SLC2A14: variants seen among roughly 807,000 people sequenced by gnomAD.
The protein encoded by SLC2A14 is solute carrier family 2 member 14, also known as solute carrier family 2, facilitated glucose transporter member 14.
SLC2A14 carries 13 observed loss-of-function variants against 43.0 expected under a neutral mutation model. The observed-to-expected ratio is 0.30, with a 90% CI of 0.20 to 0.48. The LOEUF is 0.48. SLC2A14 is among the 20% of genes least tolerant of loss of function. The pLI, the probability that SLC2A14 is intolerant of heterozygous loss-of-function variation, is 0.99. For missense variants in SLC2A14, 428 were observed against 620.4 expected (o/e 0.69, Z 3.29); for synonymous variants, 190 against 233.8 (o/e 0.81, Z 1.71).
intron 1 of SLC2A14, among the ~76,000 whole-genome samples, chr12:7,886,002 T>C (rs1945681496): frequency 1.3e-5 from 2 of 151,564 alleles, no homozygotes; most frequent in African/African-American, 4.8e-5. Flanking sequence ...TTTTTTTTTT[T>C]GAGATGGAGT....
At chr12:7,873,231 C>T (rs1945338445), upstream of SLC2A14, 1 of 985,504 alleles carries the variant, frequency 1.0e-6, no homozygotes, top group African/African-American at 1.7e-5. Context: ...AGGGTGTGAA[C>T]GTATCTATTT....
At chr12:7,882,048 G>A (rs1192425369) in intron 1 of SLC2A14, among the ~76,000 whole-genome samples, 3 of 152,122 alleles carry the variant, frequency 2.0e-5, no homozygotes, top group Non-Finnish European at 4.4e-5. Context: ...GGCTGCCCGG[G>A]CCAGCAGTGG....
chr12:7,880,709 AAAAAAGAG>A (rs763330115), intron 1 of SLC2A14, among the ~76,000 whole-genome samples: 1 of 129,966 alleles, frequency 7.7e-6, no homozygotes, highest in Admixed American at 8.3e-5. Flanking sequence ...AAAAAAAAAA[AAAAAAGAG>A]AGAAATTGGC....
At chr12:7,872,015 T>A in intron 1 of SLC2A14, 1 of 511,402 alleles carries the variant, frequency 2.0e-6, no homozygotes, top group Non-Finnish European at 2.5e-6. Context: ...TATTTATCTG[T>A]AAAATTAACT....
At chr12:7,863,051 A>G (rs1382069749) in intron 2 of SLC2A14, among the ~76,000 whole-genome samples, 1 of 152,158 alleles carries the variant, frequency 6.6e-6, no homozygotes, top group Non-Finnish European at 1.5e-5. Context: ...AAACTGTTGA[A>G]GCTTTGTTGT....
chr12:7,882,418 G>A (rs1217698489), intron 1 of SLC2A14, among the ~76,000 whole-genome samples: 1 of 152,066 alleles, frequency 6.6e-6, no homozygotes, highest in African/African-American at 2.4e-5. Flanking sequence ...AACCGCGAGG[G>A]TCCATGGCTT....
Position 7,832,599 on chromosome 12 carries a change from C to T in SLC2A14, c.111+123G>A, listed in dbSNP as rs151338788. On this transcript the variant is annotated intron_variant, in intron 3 of 10. Transcript: ENST00000431042. Reference sequence around the variant, plus strand: ...CAAGTGATCTTTAAGCCTCAGCCTCCGGAGTAGCTGGGACTCCAGGCAGGT... The same window carrying T: ...CAAGTGATCTTTAAGCCTCAGCCTCTGGAGTAGCTGGGACTCCAGGCAGGT... The T allele has an allele frequency of 1.7e-5, 17 of 1,022,306 alleles. No homozygotes were observed. The Admixed American group carries it at 3.0e-4, about 18-fold the overall frequency. The allele number at this position is 1,022,306 out of a possible 1,614,324, so 63.3% of individuals were successfully genotyped here.
chr12:7,874,841 G>GCA (rs1945405196), upstream of SLC2A14, among the ~76,000 whole-genome samples: 1 of 68,644 alleles, frequency 1.5e-5, no homozygotes, highest in African/African-American at 5.5e-5. Context: ...ATATAAATAC[G>GCA]TATTTATATA....
chr12:7,887,134 A>G (rs1280070591), intron 1 of SLC2A14, among the ~76,000 whole-genome samples: 4 of 150,752 alleles, frequency 2.7e-5, no homozygotes, highest in African/African-American at 9.8e-5. Context: ...CTGGTCTCCA[A>G]CTCCTGACCT....
chr12:7,874,719 A>T (rs1256490546), upstream of SLC2A14, among the ~76,000 whole-genome samples: 8 of 61,500 alleles, frequency 1.3e-4, no homozygotes, highest in Non-Finnish European at 2.7e-4. Flanking sequence ...TATGTATATA[A>T]ATATATAAAA....
chr12:7,817,796 A>G, intron 10 of SLC2A14, 35 bp downstream of exon 10: 1 of 1,609,248 alleles, frequency 6.2e-7, no homozygotes, highest in Non-Finnish European at 8.5e-7. Flanking sequence ...ACATAGATAG[A>G]TACATAGATA....
In SLC2A14 at chr12:7,867,289, A is replaced by C. The variant is rs1292415990; in HGVS notation, c.18+2574T>G. On this transcript the variant is annotated intron_variant, in intron 2 of 10. Transcript: ENST00000431042. ...GAGGGAGACTCCGTCTCAAAAAAAA[A>C]AAAAAAAAAAACAAAAAAAACATTC... Among the ~76,000 whole-genome samples, 382 of 122,642 alleles carry C rather than the reference A, an allele frequency of 3.1e-3. 6 individuals carry two copies. The highest frequency in any genetic ancestry group is 7.5e-3 in the African/African-American group (253 of 33,612). 80.5% of individuals were successfully genotyped at this position (122,642 alleles called of 152,430 possible). A position where few individuals can be genotyped will look rare whatever the true frequency, so the allele number is the denominator to read the frequency against.
At chr12:7,875,706 C>T (rs929274195), upstream of SLC2A14, among the ~76,000 whole-genome samples, 8 of 151,984 alleles carry the variant, frequency 5.3e-5, no homozygotes, top group East Asian at 1.9e-4. Flanking sequence ...GGCTCAGTGG[C>T]TCAAGCCTGT....
chr12:7,864,485 C>T (rs1040487701), intron 2 of SLC2A14, among the ~76,000 whole-genome samples: 17 of 151,994 alleles, frequency 1.1e-4, no homozygotes, highest in African/African-American at 3.1e-4. Flanking sequence ...ACTGCAGGTG[C>T]GCACCACCAT....
At chr12:7,880,036 C>A (rs986881862) in intron 1 of SLC2A14, among the ~76,000 whole-genome samples, 5 of 151,438 alleles carry the variant, frequency 3.3e-5, no homozygotes. Context: ...GGCATCATGG[C>A]TCACACCTAT....
intron 2 of SLC2A14, among the ~76,000 whole-genome samples, chr12:7,852,292 C>CG (rs369195614): frequency 4.0e-4 from 61 of 152,046 alleles, no homozygotes; most frequent in African/African-American, 1.4e-3. Flanking sequence ...ATTTAATCAT[C>CG]GGGCACTGTT....
intron 4 of SLC2A14, 172 bp downstream of exon 4, chr12:7,831,432 T>A: frequency 1.1e-6 from 1 of 933,404 alleles, no homozygotes; most frequent in South Asian, 1.7e-5. Context: ...TCCAGGGTAG[T>A]AGAGCTCCAA....
intron 2 of SLC2A14, chr12:7,850,807 T>G (rs1866874070): frequency 6.6e-6 from 1 of 152,230 alleles, no homozygotes; most frequent in African/African-American, 2.4e-5. Context: ...GACCACTGCA[T>G]TTAGACCAGC....
At chr12:7,821,150 G>A in intron 8 of SLC2A14, 71 bp downstream of exon 8, 1 of 1,153,722 alleles carries the variant, frequency 8.7e-7, no homozygotes, top group Non-Finnish European at 1.3e-6. Context: ...GTGGAGCCAT[G>A]CAATCCATCT....
Sources: gnomAD v4.1 joint callset for allele counts (sites outside exome capture counted in the v4.1 genomes callset) on GRCh38, gnomAD v4.1.1 for gene constraint, MANE v1.5 for transcripts, NCBI Gene and HGNC (gene_info 2026-07-23, HGNC 2026-07-21) for gene names.